Variants in MYO5C observed in about 807,000 individuals in gnomAD.
The protein encoded by MYO5C is unconventional myosin-Vc.
In MYO5C, 194 loss-of-function variants were observed where a neutral mutation model predicts 235.7. That is an observed-to-expected ratio of 0.82 (90% CI 0.73 to 0.93). MYO5C has a LOEUF of 0.93. MYO5C is among the 40% of genes least tolerant of loss of function. The pLI, the probability that MYO5C is intolerant of heterozygous loss-of-function variation, is 0.00. For synonymous variants in MYO5C, 707 were observed against 754.8 expected (o/e 0.94, Z 1.04); for missense variants, 2,038 against 2,127.2 (o/e 0.96, Z 0.82).
rs1190070342 is a variant in MYO5C, at chr15:52,193,982, G to A, written c.5149C>T (p.Pro1717Ser). 4 of 1,613,700 alleles carry A rather than the reference G, an allele frequency of 2.5e-6. No individual in the cohort carries two copies. The South Asian group carries it at 4.4e-5, about 18-fold the overall frequency. Residue 1717 changes from proline (P) to serine (S), a missense_variant, in exon 41 of 41, where the codon CCT becomes TCT. Physicochemically the swap from Pro to Ser is moderately conservative, Grantham distance 74. Coordinates refer to ENST00000261839, the MANE Select transcript of MYO5C (RefSeq NM_018728.4). ...DTKYLFQVTF[P>S]FTPSPHALEM... Reference sequence around the variant, plus strand: ...AGAGCATGTGGAGAGGGGGTAAAAGGAAATGTGACTTGAAAGAGATATTTG... The same window carrying A: ...AGAGCATGTGGAGAGGGGGTAAAAGAAAATGTGACTTGAAAGAGATATTTG...
At position 52,223,768 on chromosome 15, in the gene MYO5C, C is replaced by A. The variant is rs569888347; in HGVS notation, c.3447-44G>T. The A allele has an allele frequency of 7.4e-5, 116 of 1,571,866 alleles. 1 individual carries two copies. In the South Asian group the frequency reaches 1.3e-3, roughly 17 times the overall value. ...AGAAATAAACCACATGGCCTTTGTT[C>A]TGTTTTATGGACTGCTGGGAGGCAG... On this transcript the variant is annotated intron_variant, in intron 28 of 40. Coordinates refer to ENST00000261839, the MANE Select transcript of MYO5C (RefSeq NM_018728.4).
At chr15:52,205,334 C>T (rs1279562968) in intron 37 of MYO5C, 187 bp from the exon 38 acceptor site, 6 of 644,790 alleles carry the variant, frequency 9.3e-6, no homozygotes, top group East Asian at 2.8e-5. Flanking sequence ...TAGGGATGGA[C>T]GGCTGTTTCC....
chr15:52,285,812 C>A (rs2037252794), intron 1 of MYO5C, among the ~76,000 whole-genome samples: 1 of 152,232 alleles, frequency 6.6e-6, no homozygotes, highest in Non-Finnish European at 1.5e-5. Flanking sequence ...GTGATCTCGG[C>A]TCGCTACAAC....
At chr15:52,223,010 G>A (rs1393353364) in intron 29 of MYO5C, among the ~76,000 whole-genome samples, 2 of 152,032 alleles carry the variant, frequency 1.3e-5, no homozygotes, top group Non-Finnish European at 2.9e-5. Flanking sequence ...TTAGCTGACC[G>A]TGATGGTGGG....
intron 38 of MYO5C, among the ~76,000 whole-genome samples, chr15:52,202,854 T>C (rs538987906): frequency 6.6e-6 from 1 of 152,148 alleles, no homozygotes; most frequent in South Asian, 2.1e-4. Flanking sequence ...TGACTTAAGA[T>C]ACTCAATTTT....
intron 17 of MYO5C, 54 bp downstream of exon 17, chr15:52,245,902 G>T (rs1329250314): frequency 4.0e-6 from 6 of 1,507,880 alleles, no homozygotes; most frequent in Non-Finnish European, 4.6e-6. Flanking sequence ...TTGGTTCTCA[G>T]CATAGCTCTG....
chr15:52,230,828 T>C (rs1199606202), intron 24 of MYO5C, among the ~76,000 whole-genome samples: 1 of 144,606 alleles, frequency 6.9e-6, no homozygotes, highest in African/African-American at 2.5e-5. Context: ...AAGTCTTCCT[T>C]TTTTTTTTTT....
intron 11 of MYO5C, 48 bp downstream of exon 11, chr15:52,256,591 G>GCGCGCGCACGCGCGCGCGCA (rs773963470): frequency 1.8e-6 from 2 of 1,085,896 alleles, no homozygotes; most frequent in African/African-American, 6.1e-5. Context: ...ACACACACGC[G>GCGCGCGCACGCGCGCGCGCA]CGCGCGCGCG....
intron 34 of MYO5C, 146 bp from the exon 35 acceptor site, chr15:52,212,030 T>A: frequency 8.2e-6 from 6 of 729,542 alleles, no homozygotes; most frequent in Non-Finnish European, 1.2e-5. Flanking sequence ...CTTTGAGGAA[T>A]TCCATCTGGC....
chr15:52,228,432 G>A (rs534171629), intron 25 of MYO5C, among the ~76,000 whole-genome samples: 1 of 152,222 alleles, frequency 6.6e-6, no homozygotes, highest in South Asian at 2.1e-4. Context: ...CTGAGCCACC[G>A]TGCCCGGCAG....
chr15:52,248,595 CA>C, intron 14 of MYO5C, 104 bp downstream of exon 14: 1 of 817,970 alleles, frequency 1.2e-6, no homozygotes, highest in Non-Finnish European at 2.0e-6. Context: ...TTCACACACA[CA>C]CACACACACA....
intron 33 of MYO5C, among the ~76,000 whole-genome samples, chr15:52,213,732 C>G (rs1390327213): frequency 1.3e-5 from 2 of 152,362 alleles, no homozygotes; most frequent in Non-Finnish European, 2.9e-5. Flanking sequence ...AGGCTTAAAA[C>G]AACACAAATG....
chr15:52,255,685 T>C (rs2036564849), intron 11 of MYO5C, among the ~76,000 whole-genome samples: 1 of 152,218 alleles, frequency 6.6e-6, no homozygotes, highest in Non-Finnish European at 1.5e-5. Flanking sequence ...AGTTCTTGCA[T>C]CTAGGGAACT....
intron 1 of MYO5C, among the ~76,000 whole-genome samples, chr15:52,287,888 A>G (rs1020803348): frequency 1.3e-5 from 2 of 152,092 alleles, no homozygotes; most frequent in Admixed American, 1.3e-4. Context: ...AGGCAGGAGA[A>G]TCGCTTGAAC....
rs192975056 is a variant in MYO5C, at chr15:52,201,082, A to G, written c.4820+3783T>C. 5.0e-3 allele frequency among the ~76,000 whole-genome samples: 764 copies of G among 152,266 alleles called. 6 individuals carry two copies. The highest frequency in any genetic ancestry group is 0.018 in the African/African-American group (745 of 41,566). ...AAGTCTTTAACAGCTGGTTCACTGAAGTTCTGGAAAGAGAAGACAAAGAGT... is the reference window on the plus strand; with the variant it reads ...AAGTCTTTAACAGCTGGTTCACTGAGGTTCTGGAAAGAGAAGACAAAGAGT... On this transcript the variant is annotated intron_variant, in intron 38 of 40. Transcript: ENST00000261839.
At chr15:52,258,515 G>T (rs995082884) in intron 10 of MYO5C, among the ~76,000 whole-genome samples, 2 of 152,234 alleles carry the variant, frequency 1.3e-5, no homozygotes, top group African/African-American at 2.4e-5. Flanking sequence ...AGACCTTGAA[G>T]CTCACAGCTT....
chr15:52,251,854 G>A (rs557662042), intron 12 of MYO5C, among the ~76,000 whole-genome samples: 10 of 151,922 alleles, frequency 6.6e-5, no homozygotes, highest in South Asian at 2.1e-4. Context: ...TAGTAGAGAC[G>A]GGGTTTCACC....
At chr15:52,246,615 T>C (rs1465020375) in intron 16 of MYO5C, among the ~76,000 whole-genome samples, 1 of 152,196 alleles carries the variant, frequency 6.6e-6, no homozygotes, top group Non-Finnish European at 1.5e-5. Context: ...GTTCTGACCT[T>C]CTATGACCTT....
chr15:52,219,888 G>A (rs1489216614), intron 30 of MYO5C, 66 bp from the exon 31 acceptor site: 3 of 1,321,994 alleles, frequency 2.3e-6, no homozygotes, highest in Non-Finnish European at 3.2e-6. Context: ...TTTGGGTTTG[G>A]TATTATTTTC....
Sources: allele counts gnomAD v4.1 joint callset (sites outside exome capture counted in the v4.1 genomes callset), GRCh38; gene constraint gnomAD v4.1.1; transcripts MANE v1.5; gene names NCBI Gene and HGNC (gene_info 2026-07-23, HGNC 2026-07-21).